Variants in ANTXR1 observed in about 807,000 individuals in gnomAD.
The protein encoded by ANTXR1 is anthrax toxin receptor 1.
ANTXR1 carries 19 observed loss-of-function variants against 78.1 expected under a neutral mutation model. The ratio of observed to expected loss-of-function variants is 0.24; its 90% CI spans 0.17 to 0.36. The LOEUF is 0.36. ANTXR1 is among the 10% of genes least tolerant of loss of function. The pLI is 1.00. For missense variants in ANTXR1, 518 were observed against 718.6 expected (o/e 0.72, Z 3.19); for synonymous variants, 273 against 260.5 (o/e 1.05, Z -0.46).
chr2:69,059,481 CTTT>C (rs35182884), intron 3 of ANTXR1, among the ~76,000 whole-genome samples: 1 of 145,994 alleles, frequency 6.8e-6, no homozygotes, highest in Non-Finnish European at 1.5e-5. Context: ...GAAGTGTGTA[CTTT>C]TTTTTTTTTT....
chr2:69,215,244 TGGAA>T (rs1675147690), intron 17 of ANTXR1, among the ~76,000 whole-genome samples: 1 of 152,302 alleles, frequency 6.6e-6, no homozygotes, highest in Admixed American at 6.5e-5. Context: ...AAATCTCTAC[TGGAA>T]GGGTCTCTGG....
Position 69,188,701 on chromosome 2 carries a change from T to C in ANTXR1, c.1354-4634T>C, listed in dbSNP as rs146808177. On this transcript the variant is annotated intron_variant, in intron 16 of 17. Coordinates refer to ENST00000303714, the MANE Select transcript of ANTXR1 (RefSeq NM_032208.3). ...CTAGCTTCACAGAAGCAGTTGGGCA[T>C]TTTGCCAGGGAGTGAGGACCAGTGT... Among the ~76,000 whole-genome samples the C allele has an allele frequency of 1.3e-3, 195 of 152,342 alleles. 3 individuals are homozygous for C. Among genetic ancestry groups the C allele is most frequent in the African/African-American group, 4.4e-3 (183 of 41,580 alleles).
chr2:69,075,633 G>T lies in ANTXR1; in HGVS notation c.536G>T (p.Gly179Val). 1 of 1,614,070 alleles carries T rather than the reference G, an allele frequency of 6.2e-7. No individual in the cohort carries two copies. The highest frequency in any genetic ancestry group is 8.5e-7 in the Non-Finnish European group (1 of 1,179,986). The change falls in exon 7 of 18, where the codon GGT becomes GTT. Residue 179 changes from glycine to valine, a missense_variant. Gly to Val is a moderately radical substitution (Grantham distance 109). This residue lies in a region of ANTXR1 where 264 missense variants were observed against 391.8 expected (regional missense o/e 0.67). Coordinates refer to ENST00000303714, the MANE Select transcript of ANTXR1 (RefSeq NM_032208.3). ...RDLGAIVYCVGVKDFNETQLA... is the reference protein window; with the variant it reads ...RDLGAIVYCVVVKDFNETQLA... ...CTTGGTGCAATTGTTTACTGTGTTGGTGTGAAAGATTTCAATGAGACACAG... is the reference window on the plus strand; with the variant it reads ...CTTGGTGCAATTGTTTACTGTGTTGTTGTGAAAGATTTCAATGAGACACAG...
At chr2:69,017,428 C>T (rs1671056585) in intron 1 of ANTXR1, among the ~76,000 whole-genome samples, 1 of 152,198 alleles carries the variant, frequency 6.6e-6, no homozygotes, top group Non-Finnish European at 1.5e-5. Flanking sequence ...CCAATCCCTG[C>T]AACTCCTTCT....
chr2:69,107,237 T>C (rs528852760), intron 10 of ANTXR1, among the ~76,000 whole-genome samples: 2 of 152,076 alleles, frequency 1.3e-5, no homozygotes, highest in Admixed American at 6.6e-5. Context: ...AGAAAACGTT[T>C]TGTTTTGTGT....
intron 12 of ANTXR1, among the ~76,000 whole-genome samples, chr2:69,147,954 C>T (rs772514710): frequency 1.3e-5 from 2 of 152,128 alleles, no homozygotes; most frequent in East Asian, 1.9e-4. Flanking sequence ...TGGACACAGC[C>T]GTAAAAATGC....
intron 17 of ANTXR1, among the ~76,000 whole-genome samples, chr2:69,243,622 T>TG (rs1675941850): frequency 6.6e-6 from 1 of 152,224 alleles, no homozygotes; most frequent in Admixed American, 6.5e-5. Context: ...CATTTTCCTC[T>TG]TGTCCTAGAG....
intron 10 of ANTXR1, among the ~76,000 whole-genome samples, chr2:69,113,030 G>C (rs4544479): frequency 0.38 from 57,770 of 152,018 alleles, 11,462 homozygotes; most frequent in East Asian, 0.49. Flanking sequence ...ACCAGTCCCT[G>C]GTGGACAGTC....
chr2:69,221,081 T>C (rs528076291), intron 17 of ANTXR1, among the ~76,000 whole-genome samples: 1 of 152,234 alleles, frequency 6.6e-6, no homozygotes, highest in Non-Finnish European at 1.5e-5. Flanking sequence ...ATGGGAAGGC[T>C]TGTTTGGGGT....
At chr2:69,177,814 G>A (rs1674170515) in intron 14 of ANTXR1, among the ~76,000 whole-genome samples, 1 of 152,150 alleles carries the variant, frequency 6.6e-6, no homozygotes, top group East Asian at 1.9e-4. Context: ...ATTTACCACC[G>A]GCCACCCCCA....
chr2:69,039,449 T>C (rs1333029772), intron 1 of ANTXR1, among the ~76,000 whole-genome samples: 1 of 152,202 alleles, frequency 6.6e-6, no homozygotes, highest in East Asian at 1.9e-4. Flanking sequence ...TCTTCTTTTG[T>C]TTATTAATAC....
intron 8 of ANTXR1, among the ~76,000 whole-genome samples, chr2:69,078,549 C>T (rs1015473147): frequency 6.6e-6 from 1 of 152,182 alleles, no homozygotes; most frequent in African/African-American, 2.4e-5. Flanking sequence ...GGAGCTCCAG[C>T]AGAGTGGAAT....
intron 17 of ANTXR1, among the ~76,000 whole-genome samples, chr2:69,222,606 C>T (rs1308270350): frequency 1.3e-5 from 2 of 152,062 alleles, no homozygotes; most frequent in African/African-American, 2.4e-5. Context: ...AACAGCAGAC[C>T]GGAAGGGGGC....
At chr2:69,214,606 G>C (rs966667888) in intron 17 of ANTXR1, among the ~76,000 whole-genome samples, 2 of 152,208 alleles carry the variant, frequency 1.3e-5, no homozygotes, top group African/African-American at 4.8e-5. Flanking sequence ...GGATGAGGTT[G>C]TCTCTCCCCT....
intron 3 of ANTXR1, among the ~76,000 whole-genome samples, chr2:69,058,109 T>G (rs1670119610): frequency 6.6e-6 from 1 of 152,178 alleles, no homozygotes; most frequent in African/African-American, 2.4e-5. Flanking sequence ...AGACGCCATC[T>G]CCATGACATA....
intron 3 of ANTXR1, among the ~76,000 whole-genome samples, chr2:69,045,664 A>G (rs1669744279): frequency 1.3e-5 from 2 of 152,144 alleles, no homozygotes; most frequent in African/African-American, 2.4e-5. Flanking sequence ...GACTAACAGG[A>G]CAGAGTAAAA....
In ANTXR1 at chr2:69,091,815, A is replaced by C. The variant is rs576363576; in HGVS notation, c.703+896A>C. On this transcript the variant is annotated intron_variant, in intron 9 of 17. Coordinates refer to ENST00000303714, the MANE Select transcript of ANTXR1 (RefSeq NM_032208.3). Reference sequence around the variant, plus strand: ...TAATAAGGAAGTCTCTATGTAAAGAATTAGCCTTCTTCGAGTCACAAGATT... The same window carrying C: ...TAATAAGGAAGTCTCTATGTAAAGACTTAGCCTTCTTCGAGTCACAAGATT... 1.1e-4 allele frequency among the ~76,000 whole-genome samples: 17 copies of C among 152,350 alleles called. 1 individual carries two copies. In the South Asian group the frequency reaches 3.3e-3, roughly 30 times the overall value.
At chr2:69,172,512 T>A (rs1361467021) in intron 14 of ANTXR1, 1 of 1,441,478 alleles carries the variant, frequency 6.9e-7, no homozygotes, top group African/African-American at 1.4e-5. Context: ...TTCCCTGTAT[T>A]CAAATCCCAG....
intron 17 of ANTXR1, among the ~76,000 whole-genome samples, chr2:69,211,316 C>G (rs985669548): frequency 6.6e-6 from 1 of 152,204 alleles, no homozygotes; most frequent in Non-Finnish European, 1.5e-5. Flanking sequence ...CAAACCCACC[C>G]TTCTTCACTT....
Sources: gnomAD v4.1 joint callset for allele counts (sites outside exome capture counted in the v4.1 genomes callset) on GRCh38, gnomAD v4.1.1 for gene constraint, gnomAD v4.1.1 regional missense constraint, MANE v1.5 for transcripts, NCBI Gene and HGNC (gene_info 2026-07-23, HGNC 2026-07-21) for gene names.